Variants in PLEKHA6 observed in about 807,000 individuals in gnomAD.
The protein encoded by PLEKHA6 is pleckstrin homology domain containing A6.
PLEKHA6 carries 60 observed loss-of-function variants against 116.7 expected under a neutral mutation model. The ratio of observed to expected loss-of-function variants is 0.51; its 90% CI spans 0.42 to 0.64. The LOEUF (loss-of-function observed/expected upper bound fraction) is 0.64. Ranked by LOEUF, PLEKHA6 falls within the 30% of genes least tolerant of loss-of-function variation. PLEKHA6 has a pLI of 0.00. For synonymous variants in PLEKHA6, 489 were observed against 556.1 expected (o/e 0.88, Z 1.70); for missense variants, 1,338 against 1,422.7 (o/e 0.94, Z 0.96).
intron 5 of PLEKHA6, among the ~76,000 whole-genome samples, chr1:204,267,166 C>T (rs1666921714): frequency 2.0e-5 from 3 of 152,334 alleles, no homozygotes; most frequent in Admixed American, 6.5e-5. Context: ...TCTTTGTGCT[C>T]ATCCTCTCTC....
At chr1:204,294,435 G>A (rs1670068597) in intron 1 of PLEKHA6, among the ~76,000 whole-genome samples, 1 of 152,194 alleles carries the variant, frequency 6.6e-6, no homozygotes, top group South Asian at 2.1e-4. Context: ...TGTTGCGGAG[G>A]AAGAACCTGA....
intron 6 of PLEKHA6, among the ~76,000 whole-genome samples, chr1:204,264,122 A>G (rs940565102): frequency 1.3e-4 from 20 of 152,192 alleles, no homozygotes; most frequent in Admixed American, 7.9e-4. Context: ...ATTAGGGGAG[A>G]GAGGGCTTTG....
intron 11 of PLEKHA6, 106 bp from the exon 12 acceptor site, chr1:204,249,076 G>T: frequency 6.8e-7 from 1 of 1,476,870 alleles, no homozygotes; most frequent in Non-Finnish European, 9.4e-7. Context: ...CTGAGTGGAA[G>T]CTGTCCTTGC....
rs1411350767 is a variant in PLEKHA6, at chr1:204,228,491, G to A, written c.2885+237C>T. On this transcript the variant is annotated intron_variant, in intron 20 of 22. Transcript: ENST00000272203. This position sits in a 1 kb window ranked among gnomAD's most constrained non-coding sequence, Gnocchi z 4.0. Reference sequence around the variant, plus strand: ...TGAAGGGGAAAAGAAGTCACCAGAGGGCGAGCCTTCAGTTTTGTCTCGATG... The same window carrying A: ...TGAAGGGGAAAAGAAGTCACCAGAGAGCGAGCCTTCAGTTTTGTCTCGATG... Among the ~76,000 whole-genome samples, 1 of 152,106 alleles carries A rather than the reference G, an allele frequency of 6.6e-6. No individual in the cohort carries two copies. Among genetic ancestry groups the A allele is most frequent in the Non-Finnish European group, 1.5e-5 (1 of 68,000 alleles).
intron 1 of PLEKHA6, among the ~76,000 whole-genome samples, chr1:204,374,274 C>T (rs1391774247): frequency 6.6e-6 from 1 of 152,190 alleles, no homozygotes; most frequent in African/African-American, 2.4e-5. Context: ...TCCAGTCTCC[C>T]AGCTTAGCTG....
At chr1:204,325,675 C>A (rs946951530) in intron 1 of PLEKHA6, among the ~76,000 whole-genome samples, 33 of 152,228 alleles carry the variant, frequency 2.2e-4, no homozygotes, top group African/African-American at 7.7e-4. Flanking sequence ...ATCTGGAAGA[C>A]AAAATCCTAT....
At chr1:204,373,087 T>TG (rs1673806594) in intron 1 of PLEKHA6, among the ~76,000 whole-genome samples, 1 of 84,014 alleles carries the variant, frequency 1.2e-5, no homozygotes, top group African/African-American at 9.2e-5. Context: ...TTTTTCTTTC[T>TG]TTTTTTTTTT....
chr1:204,273,697 C>T lies in PLEKHA6; in HGVS notation c.31G>A (p.Ala11Thr), dbSNP rs1408653463. MSNKTGGKRP[A>T]TTNSDIPNHN... is the part of the protein sequence containing the mutation. The stretch of plus-strand genomic sequence containing the variant: ...TTGGGTATGTCACTGTTGGTGGTAG[C>T]CGGGCGTTTCCCACCTGTTTTATTG... Residue 11 changes from alanine (A) to threonine (T), a missense_variant, in exon 3 of 23, where the codon GCT becomes ACT. This residue lies in a region of PLEKHA6 where 62 missense variants were observed against 61.7 expected (regional missense o/e 1.01). Transcript: ENST00000272203. The T allele has an allele frequency of 7.4e-6, 12 of 1,614,088 alleles. No homozygotes were observed. The highest frequency in any genetic ancestry group is 9.3e-6 in the Non-Finnish European group (11 of 1,179,986).
At chr1:204,364,273 G>A (rs1340026959), upstream of PLEKHA6, among the ~76,000 whole-genome samples, 1 of 152,156 alleles carries the variant, frequency 6.6e-6, no homozygotes, top group Admixed American at 6.5e-5. Context: ...TGAGCCAGTC[G>A]TTCATTCATT....
intron 9 of PLEKHA6, among the ~76,000 whole-genome samples, chr1:204,253,267 C>T (rs1225282142): frequency 1.3e-5 from 2 of 152,008 alleles, no homozygotes; most frequent in African/African-American, 4.8e-5. Flanking sequence ...TTCTACAATG[C>T]CCATTTTATG....
At chr1:204,375,844 G>A (rs895467768) in intron 1 of PLEKHA6, among the ~76,000 whole-genome samples, 4 of 148,364 alleles carry the variant, frequency 2.7e-5, no homozygotes, top group Admixed American at 2.0e-4. Context: ...GAACCTCTCC[G>A]AGTGCTCTAG....
intron 1 of PLEKHA6, among the ~76,000 whole-genome samples, chr1:204,355,708 G>A (rs1673394942): frequency 1.3e-5 from 2 of 152,112 alleles, no homozygotes; most frequent in Admixed American, 6.5e-5. Flanking sequence ...CCAAAGTGCT[G>A]GGATTACAGG....
At chr1:204,322,089 C>T (rs937605388) in intron 1 of PLEKHA6, among the ~76,000 whole-genome samples, 1 of 152,254 alleles carries the variant, frequency 6.6e-6, no homozygotes, top group African/African-American at 2.4e-5. Context: ...CTCGAATTAA[C>T]TCTTTGGCAA....
Position 204,261,262 on chromosome 1 carries a change from C to G in PLEKHA6, c.524+44G>C, listed in dbSNP as rs763696881. 1.9e-6 allele frequency: 3 copies of G among 1,611,542 alleles called. No homozygotes were observed. The African/African-American group carries it at 4.0e-5, about 22-fold the overall frequency. On this transcript the variant is annotated intron_variant, in intron 7 of 22. Coordinates refer to ENST00000272203, the MANE Select transcript of PLEKHA6 (RefSeq NM_014935.5). The surrounding 1 kb of genome is among the most constrained non-coding windows in gnomAD (Gnocchi z 4.0). ...AGCTGGGTGTGTCTTCCATTCCCCT[C>G]TTTATTCTTCCTGCACCCCCACACT...
chr1:204,238,062 G>C lies in PLEKHA6; in HGVS notation c.2409+3313C>G, dbSNP rs1168752119. Among the ~76,000 whole-genome samples the C allele has an allele frequency of 2.6e-5, 4 of 152,340 alleles. No individual in the cohort carries two copies. The highest frequency in any genetic ancestry group is 7.2e-5 in the African/African-American group (3 of 41,576). On this transcript the variant is annotated intron_variant, in intron 17 of 22. Coordinates refer to ENST00000272203, the MANE Select transcript of PLEKHA6 (RefSeq NM_014935.5). This position sits in a 1 kb window ranked among gnomAD's most constrained non-coding sequence, Gnocchi z 4.2. Reference sequence around the variant, plus strand: ...TTTGGCCCCTCCTACAACCAAGAAAGAGGCACAGTCTAGTAGGCCTATTTG... The same window carrying C: ...TTTGGCCCCTCCTACAACCAAGAAACAGGCACAGTCTAGTAGGCCTATTTG...
chr1:204,263,634 G>A (rs889289734), intron 6 of PLEKHA6, among the ~76,000 whole-genome samples: 1 of 152,088 alleles, frequency 6.6e-6, no homozygotes, highest in East Asian at 1.9e-4. Context: ...TCAGTCACTC[G>A]GGGATGTTTA....
chr1:204,267,495 C>T lies in PLEKHA6; in HGVS notation c.260G>A (p.Arg87His), dbSNP rs1196925697. The T allele has an allele frequency of 6.8e-6, 11 of 1,613,792 alleles. No individual in the cohort carries two copies. The East Asian group carries it at 8.9e-5, about 13-fold the overall frequency. ...CTCACCTTTATAGTAGAAGAGGCAG[C>T]GATCCACCAGGACGAACCAGCGCTT... ...WNKRWFVLVDRCLFYYKDEKE... is the reference protein window; with the variant it reads ...WNKRWFVLVDHCLFYYKDEKE... The change falls in exon 5 of 23, where the codon CGC becomes CAC. Residue 87 changes from arginine (R) to histidine (H), a missense_variant. Arg to His is a conservative substitution (Grantham distance 29). Coordinates refer to ENST00000272203, the MANE Select transcript of PLEKHA6 (RefSeq NM_014935.5).
intron 1 of PLEKHA6, among the ~76,000 whole-genome samples, chr1:204,354,410 A>C (rs2103373610): frequency 6.6e-6 from 1 of 152,322 alleles, no homozygotes; most frequent in Middle Eastern, 3.4e-3. Context: ...GTATCCCTGA[A>C]TACCAGCTAC....
chr1:204,257,465 T>A lies in PLEKHA6; in HGVS notation c.1412A>T (p.Tyr471Phe). ...SQGSYSRARI[Y>F]SPVRSPSARF... is the part of the protein sequence containing the mutation. Reference sequence around the variant, plus strand: ...GGCACTGGGTGAGCGGACAGGGGAGTAAATGCGGGCACGGCTGTAGGAGCC... The same window carrying A: ...GGCACTGGGTGAGCGGACAGGGGAGAAAATGCGGGCACGGCTGTAGGAGCC... Residue 471 changes from tyrosine (Y) to phenylalanine (F), a missense_variant, in exon 9 of 23, where the codon TAC (tyrosine) becomes TTC (phenylalanine). By Grantham distance (22) the Tyr-to-Phe change is conservative. Around this residue, in one of 3 missense-constraint regions of PLEKHA6, gnomAD observed 1,136 missense variants for 1,163.6 expected, o/e 0.98. Transcript: ENST00000272203. This position sits in a 1 kb window ranked among gnomAD's most constrained non-coding sequence, Gnocchi z 6.5. 6.4e-7 allele frequency: 1 copy of A among 1,572,864 alleles called. No individual in the cohort carries two copies. Among genetic ancestry groups the A allele is most frequent in the Non-Finnish European group, 8.6e-7 (1 of 1,157,970 alleles).
Sources: gnomAD v4.1 joint callset for allele counts (sites outside exome capture counted in the v4.1 genomes callset) on GRCh38, gnomAD v4.1.1 for gene constraint, gnomAD v4.1.1 regional missense constraint, Gnocchi (gnomAD v3.1) non-coding constraint, MANE v1.5 for transcripts, NCBI Gene and HGNC (gene_info 2026-07-23, HGNC 2026-07-21) for gene names.